Variants in PTPN22 observed in about 807,000 individuals in gnomAD.
The protein encoded by PTPN22 is protein tyrosine phosphatase non-receptor type 22, also known as tyrosine-protein phosphatase non-receptor type 22.
Under a neutral mutation model 103.3 loss-of-function variants are expected in PTPN22, and 85 were observed. That is an observed-to-expected ratio of 0.82 (90% CI 0.69 to 0.99). The LOEUF (loss-of-function observed/expected upper bound fraction) is 0.99, where lower values mean the gene tolerates loss of function less well. Ranked by LOEUF, PTPN22 falls within the 50% of genes least tolerant of loss-of-function variation. The pLI is 0.00. For synonymous variants in PTPN22, 323 were observed against 310.2 expected (o/e 1.04, Z -0.43); for missense variants, 865 against 936.9 (o/e 0.92, Z 1.00).
intron 16 of PTPN22, among the ~76,000 whole-genome samples, 189 bp from the exon 17 acceptor site, chr1:113,830,218 A>G (rs542649642): frequency 6.6e-6 from 1 of 152,280 alleles, no homozygotes; most frequent in East Asian, 1.9e-4. Context: ...CTATGAGCCT[A>G]TGATTCATCA....
At chr1:113,842,722 A>T (rs1452912555) in intron 11 of PTPN22, among the ~76,000 whole-genome samples, 1 of 151,890 alleles carries the variant, frequency 6.6e-6, no homozygotes, top group Non-Finnish European at 1.5e-5. Context: ...GTTGGCCAGG[A>T]TGTAGAGAAA....
chr1:113,821,968 C>A (rs1661651683), intron 19 of PTPN22, among the ~76,000 whole-genome samples: 1 of 152,146 alleles, frequency 6.6e-6, no homozygotes, highest in African/African-American at 2.4e-5. Context: ...GACAATCAGA[C>A]CCAGTTGGCA....
intron 1 of PTPN22, among the ~76,000 whole-genome samples, chr1:113,862,077 G>A (rs1451956871): frequency 1.3e-5 from 2 of 151,782 alleles, no homozygotes; most frequent in Non-Finnish European, 1.5e-5. Flanking sequence ...TCAGGAGTTC[G>A]AGACCAGCCT....
intron 11 of PTPN22, among the ~76,000 whole-genome samples, chr1:113,846,992 A>ATTTT (rs778146828): frequency 1.3e-4 from 10 of 76,114 alleles, no homozygotes; most frequent in East Asian, 3.6e-4. Context: ...CCAATGCTAG[A>ATTTT]TTTTTTTTTT....
chr1:113,854,256 A>G (rs1401169928), intron 9 of PTPN22, among the ~76,000 whole-genome samples: 1 of 152,112 alleles, frequency 6.6e-6, no homozygotes, highest in African/African-American at 2.4e-5. Flanking sequence ...CATTTCTAAC[A>G]AGTTCTCAGG....
chr1:113,833,010 T>C (rs914976802), intron 16 of PTPN22, 101 bp downstream of exon 16: 23 of 1,182,832 alleles, frequency 1.9e-5, no homozygotes, highest in African/African-American at 1.9e-4. Flanking sequence ...GAAGCTATTA[T>C]GGGAACCAAG....
chr1:113,856,352 T>C (rs761817003), intron 7 of PTPN22, 30 bp downstream of exon 7: 23 of 1,538,066 alleles, frequency 1.5e-5, no homozygotes, highest in Non-Finnish European at 1.9e-5. Context: ...CTATAGGCTT[T>C]TGAGTTTATC....
At chr1:113,829,812 A>G (rs940947330) in intron 17 of PTPN22, 105 bp from the exon 18 acceptor site, 1 of 1,188,328 alleles carries the variant, frequency 8.4e-7, no homozygotes, top group Non-Finnish European at 1.2e-6. Flanking sequence ...CATTATTTTG[A>G]CTATATATTA....
At chr1:113,863,482 C>T (rs1346581609) in intron 1 of PTPN22, among the ~76,000 whole-genome samples, 1 of 152,198 alleles carries the variant, frequency 6.6e-6, no homozygotes, top group Non-Finnish European at 1.5e-5. Flanking sequence ...TTAGAGAAAT[C>T]AGCTTCAGAG....
chr1:113,867,540 A>G (rs2102200737), intron 1 of PTPN22, among the ~76,000 whole-genome samples: 1 of 152,338 alleles, frequency 6.6e-6, no homozygotes, highest in Middle Eastern at 3.4e-3. Context: ...TATCACAATT[A>G]TATTAAATAT....
In PTPN22 at chr1:113,858,886, G is replaced by C. The variant is rs911896998; in HGVS notation, c.273+116C>G. 5 of 1,456,374 alleles carry C rather than the reference G, an allele frequency of 3.4e-6. No homozygotes were observed. The East Asian group carries it at 7.4e-5, about 22-fold the overall frequency. The allele number at this position is 1,456,374 out of a possible 1,614,324, so 90.2% of individuals were successfully genotyped here. A position where few individuals can be genotyped will look rare whatever the true frequency, so the allele number is the denominator to read the frequency against. ...ATTCTTGCGTTCAAGTGATCTTTCC[G>C]CCTCAGCCTCCCAAAGTGCTGGGAT... is the stretch of plus-strand genomic sequence containing the variant. On this transcript the variant is annotated intron_variant, in intron 3 of 20. Coordinates refer to ENST00000359785, the Ensembl canonical transcript of PTPN22.
rs909713068 is a variant in PTPN22, at chr1:113,859,254, A to G, written c.196+98T>C. 5.7e-5 allele frequency: 87 copies of G among 1,532,894 alleles called. 1 individual carries two copies. The Middle Eastern group carries it at 1.6e-3, about 29-fold the overall frequency. 95.0% of individuals were successfully genotyped at this position (1,532,894 alleles called of 1,614,324 possible). ...TAGTACAAACTAAGTTGTCAATGCC[A>G]TGTTCCAAGATCAGGATCAGTAAGC... On this transcript the variant is annotated intron_variant, in intron 2 of 20. Transcript: ENST00000359785.
chr1:113,830,097 TTC>T (rs1488384129), intron 16 of PTPN22, 68 bp from the exon 17 acceptor site: 3 of 1,097,878 alleles, frequency 2.7e-6, no homozygotes, highest in Admixed American at 5.0e-5. Context: ...CAACACCCTT[TTC>T]TCTTTGTATA....
At chr1:113,862,316 A>G (rs1665685741) in intron 1 of PTPN22, among the ~76,000 whole-genome samples, 1 of 152,048 alleles carries the variant, frequency 6.6e-6, no homozygotes, top group African/African-American at 2.4e-5. Context: ...AAAAGAGAAT[A>G]AAGTGAAGAG....
exon 13 of PTPN22, chr1:113,838,386 C>T (rs866383744): frequency 6.3e-7 from 1 of 1,590,844 alleles, no homozygotes; most frequent in Non-Finnish European, 8.5e-7. Flanking sequence ...GTTGGTTCAT[C>T]ATTTTTGCTG....
intron 18 of PTPN22, among the ~76,000 whole-genome samples, chr1:113,825,974 A>C (rs555967802): frequency 4.3e-4 from 65 of 152,092 alleles, no homozygotes; most frequent in African/African-American, 1.5e-3. Context: ...TGGCCTTCCA[A>C]AGTGCTGGGA....
At chr1:113,835,190 T>G (rs1340880491) in intron 13 of PTPN22, among the ~76,000 whole-genome samples, 197 bp from the exon 14 acceptor site, 1 of 151,550 alleles carries the variant, frequency 6.6e-6, no homozygotes, top group African/African-American at 2.4e-5. Context: ...ACCCAGGAGG[T>G]TTTTGCTTAT....
At position 113,852,108 on chromosome 1, in the gene PTPN22, T is replaced by A. The variant is rs756669234; in HGVS notation, c.751-4A>T. The A allele has an allele frequency of 1.9e-6, 3 of 1,596,954 alleles. No individual in the cohort carries two copies. Among genetic ancestry groups the A allele is most frequent in the East Asian group, 2.2e-5 (1 of 44,768 alleles). On this transcript the variant is annotated splice_polypyrimidine_tract_variant and splice_region_variant and intron_variant, in intron 9 of 20. Transcript: ENST00000359785. ...CACTGAAGTTCTCAGGAATTATCTA[T>A]CAAATTAAAGGGGAAAATATTCCTT... is the stretch of plus-strand genomic sequence containing the variant.
exon 21 of PTPN22, chr1:113,814,330 CATT>C (rs1279665744): frequency 6.6e-6 from 1 of 152,110 alleles, no homozygotes; most frequent in African/African-American, 2.4e-5. Context: ...AAATAATTGT[CATT>C]ATTTGCACAT....
Sources: gnomAD v4.1 joint callset for allele counts (sites outside exome capture counted in the v4.1 genomes callset) on GRCh38, gnomAD v4.1.1 for gene constraint, MANE v1.5 for transcripts, NCBI Gene and HGNC (gene_info 2026-07-23, HGNC 2026-07-21) for gene names.